Variants in TSHZ2 observed in about 807,000 individuals in gnomAD.
The protein encoded by TSHZ2 is teashirt zinc finger homeobox 2.
A neutral mutation model predicts 74.4 loss-of-function variants in TSHZ2; 21 were observed. The observed-to-expected ratio is 0.28, with a 90% CI of 0.20 to 0.41. TSHZ2 has a LOEUF of 0.41. TSHZ2 is among the 10% of genes least tolerant of loss of function. TSHZ2 has a pLI of 1.00. For missense variants in TSHZ2, 1,244 were observed against 1,293.5 expected (o/e 0.96, Z 0.59); for synonymous variants, 540 against 515.3 (o/e 1.05, Z -0.65).
At chr20:53,243,970 A>G (rs923182636) in intron 1 of TSHZ2, among the ~76,000 whole-genome samples, 2 of 152,166 alleles carry the variant, frequency 1.3e-5, no homozygotes, top group East Asian at 3.8e-4. Flanking sequence ...GTCATTATCC[A>G]TTATCTGCAT....
intron 2 of TSHZ2, among the ~76,000 whole-genome samples, chr20:53,334,621 G>C (rs1253337651): frequency 6.6e-6 from 1 of 152,164 alleles, no homozygotes; most frequent in Non-Finnish European, 1.5e-5. Context: ...ATAGTATAAA[G>C]AACTTGCCTT....
At chr20:53,359,265 T>G (rs1199992166) in intron 2 of TSHZ2, among the ~76,000 whole-genome samples, 2 of 152,142 alleles carry the variant, frequency 1.3e-5, no homozygotes, top group Non-Finnish European at 2.9e-5. Context: ...CTGTCTAGGG[T>G]CAGGCAGACT....
chr20:53,489,012 G>A lies in TSHZ2; in HGVS notation c.*1877G>A, dbSNP rs1600676945. ...CAGGAATGTCATTCTGAAGTAATGA[G>A]GCATGGACAGAAAATATACCCCTCA... On this transcript the variant is annotated 3_prime_UTR_variant, in exon 3 of 3. Coordinates refer to ENST00000371497, the MANE Select transcript of TSHZ2 (RefSeq NM_173485.6). 4.4e-6 allele frequency: 2 copies of A among 455,994 alleles called. No homozygotes were observed. The highest frequency in any genetic ancestry group is 6.9e-5 in the East Asian group (1 of 14,396). 28.2% of individuals were successfully genotyped at this position (455,994 alleles called of 1,614,324 possible).
At chr20:53,207,253 G>T (rs2123598621) in intron 1 of TSHZ2, among the ~76,000 whole-genome samples, 1 of 152,314 alleles carries the variant, frequency 6.6e-6, no homozygotes, top group East Asian at 1.9e-4. Flanking sequence ...AAATTGGAGG[G>T]CTGAGGGCTG....
chr20:53,439,969 A>G (rs1984249001), intron 2 of TSHZ2, among the ~76,000 whole-genome samples: 1 of 152,126 alleles, frequency 6.6e-6, no homozygotes, highest in Non-Finnish European at 1.5e-5. Flanking sequence ...AGCTCCTGTC[A>G]CCCTCTATGT....
intron 1 of TSHZ2, among the ~76,000 whole-genome samples, chr20:53,237,289 G>C (rs1989962418): frequency 6.6e-6 from 1 of 152,154 alleles, no homozygotes; most frequent in South Asian, 2.1e-4. Flanking sequence ...GACTTAAACA[G>C]AACAGTTTTT....
chr20:53,163,979 A>G (rs1011063306), intron 1 of TSHZ2, among the ~76,000 whole-genome samples: 3 of 152,206 alleles, frequency 2.0e-5, no homozygotes, highest in Non-Finnish European at 2.9e-5. Flanking sequence ...GTTATATTAT[A>G]TTGTAATAAC....
At chr20:53,430,505 A>C (rs1223399629) in intron 2 of TSHZ2, among the ~76,000 whole-genome samples, 1 of 152,120 alleles carries the variant, frequency 6.6e-6, no homozygotes, top group Non-Finnish European at 1.5e-5. Flanking sequence ...AAATCAAGAA[A>C]TCAGAAATCA....
intron 1 of TSHZ2, among the ~76,000 whole-genome samples, chr20:53,037,020 T>C (rs996504369): frequency 6.6e-6 from 1 of 152,164 alleles, no homozygotes; most frequent in Non-Finnish European, 1.5e-5. Flanking sequence ...AATTATGGTA[T>C]TAGTGCAGTG....
chr20:53,315,354 A>T (rs2145509623), intron 2 of TSHZ2, among the ~76,000 whole-genome samples: 1 of 152,370 alleles, frequency 6.6e-6, no homozygotes, highest in South Asian at 2.1e-4. Flanking sequence ...CTTGAAGTGA[A>T]TTCCAAGTCT....
At chr20:53,236,323 G>A (rs1313168805) in intron 1 of TSHZ2, among the ~76,000 whole-genome samples, 2 of 152,140 alleles carry the variant, frequency 1.3e-5, no homozygotes, top group Non-Finnish European at 2.9e-5. Flanking sequence ...GGTTTATTAT[G>A]TTTGTTATTG....
At chr20:53,438,042 C>A (rs995041122) in intron 2 of TSHZ2, among the ~76,000 whole-genome samples, 8 of 152,032 alleles carry the variant, frequency 5.3e-5, no homozygotes, top group African/African-American at 1.9e-4. Flanking sequence ...CAACGCAAAA[C>A]AGACTAATAC....
chr20:53,255,893 C>T lies in TSHZ2; in HGVS notation c.2435C>T (p.Ser812Phe). 1 of 1,613,964 alleles carries T rather than the reference C, an allele frequency of 6.2e-7. No homozygotes were observed. Among genetic ancestry groups the T allele is most frequent in the Non-Finnish European group, 8.5e-7 (1 of 1,179,914 alleles). ...LPKATTPKPASSSRVPPMKLE... is the reference protein window; with the variant it reads ...LPKATTPKPAFSSRVPPMKLE... The stretch of plus-strand genomic sequence containing the variant: ...AAAGCCACCACCCCAAAGCCAGCCT[C>T]CTCCTCCAGGGTCCCCCCCATGAAG... Residue 812 changes from serine to phenylalanine, a missense_variant, in exon 2 of 3, where the codon TCC becomes TTC. By Grantham distance (155) the Ser-to-Phe change is radical (BLOSUM62 -2). Transcript: ENST00000371497. The surrounding 1 kb of genome is among the most constrained non-coding windows in gnomAD (Gnocchi z 4.1).
chr20:52,992,792 AAAC>A (rs1982042005), intron 1 of TSHZ2, among the ~76,000 whole-genome samples: 1 of 152,212 alleles, frequency 6.6e-6, no homozygotes, highest in South Asian at 2.1e-4. Flanking sequence ...GACTAAGGTT[AAAC>A]AAATGTGAGT....
At chr20:52,973,819 G>A (rs968308490) in intron 1 of TSHZ2, among the ~76,000 whole-genome samples, 1 of 152,196 alleles carries the variant, frequency 6.6e-6, no homozygotes, top group Admixed American at 6.5e-5. Context: ...GCCAGCAATA[G>A]GAGTTTAGCG....
intron 1 of TSHZ2, among the ~76,000 whole-genome samples, chr20:52,977,722 G>T (rs973427989): frequency 1.3e-5 from 2 of 152,014 alleles, no homozygotes; most frequent in Non-Finnish European, 2.9e-5. Flanking sequence ...TTTGTTTTAG[G>T]CATTTATTGA....
At chr20:53,374,086 T>G (rs1981573340) in intron 2 of TSHZ2, among the ~76,000 whole-genome samples, 2 of 152,226 alleles carry the variant, frequency 1.3e-5, no homozygotes, top group African/African-American at 2.4e-5. Context: ...CAGATTATTA[T>G]GTCACCCAGG....
At chr20:53,105,371 A>T (rs546535488) in intron 1 of TSHZ2, among the ~76,000 whole-genome samples, 5 of 152,226 alleles carry the variant, frequency 3.3e-5, no homozygotes, top group African/African-American at 4.8e-5. Context: ...GCGGCATCCC[A>T]GGCCTCTCCC....
chr20:53,419,800 T>C (rs1052364595), intron 2 of TSHZ2, among the ~76,000 whole-genome samples: 1 of 152,178 alleles, frequency 6.6e-6, no homozygotes, highest in African/African-American at 2.4e-5. Context: ...GTGGCCACCT[T>C]GCTGGGGCAG....
Sources: allele counts gnomAD v4.1 joint callset (sites outside exome capture counted in the v4.1 genomes callset), GRCh38; gene constraint gnomAD v4.1.1; non-coding constraint Gnocchi (gnomAD v3.1); transcripts MANE v1.5; gene names NCBI Gene and HGNC (gene_info 2026-07-23, HGNC 2026-07-21).